Variants in ADAM12 observed in about 807,000 individuals in gnomAD.
ADAM12 encodes the protein disintegrin and metalloproteinase domain-containing protein 12.
Under a neutral mutation model 106.4 loss-of-function variants are expected in ADAM12, and 70 were observed. That is an observed-to-expected ratio of 0.66 (90% confidence interval 0.54 to 0.80). ADAM12 has a LOEUF of 0.80. ADAM12 is among the 30% of genes least tolerant of loss of function. ADAM12 has a pLI of 0.00. For missense variants in ADAM12, 1,010 were observed against 1,171.9 expected (o/e 0.86, Z 2.02); for synonymous variants, 420 against 433.5 (o/e 0.97, Z 0.39).
intron 2 of ADAM12, among the ~76,000 whole-genome samples, chr10:126,308,745 G>A (rs1010560778): frequency 6.6e-6 from 1 of 152,186 alleles, no homozygotes; most frequent in African/African-American, 2.4e-5. Context: ...CTTTGTGGTA[G>A]AAGAAAACTG....
rs975042732 is a variant in ADAM12, at chr10:126,220,979, C to T, written c.260+57936G>A. ...ATTCTGATCCCACCCCGTTAGGGGACGAAACAAAGCCTCTCCACATCATTG... is the reference window on the plus strand; with the variant it reads ...ATTCTGATCCCACCCCGTTAGGGGATGAAACAAAGCCTCTCCACATCATTG... On this transcript the variant is annotated intron_variant, in intron 3 of 22. Coordinates refer to ENST00000448723, the MANE Select transcript of ADAM12 (RefSeq NM_001288973.2). Among the ~76,000 whole-genome samples, 14 of 152,220 alleles carry T rather than the reference C, an allele frequency of 9.2e-5. 1 individual carries two copies. The highest frequency in any genetic ancestry group is 2.6e-4 in the Admixed American group (4 of 15,284).
intron 3 of ADAM12, among the ~76,000 whole-genome samples, chr10:126,218,899 C>T (rs562197588): frequency 6.6e-6 from 1 of 152,314 alleles, no homozygotes; most frequent in East Asian, 1.9e-4. Flanking sequence ...AATATTGATG[C>T]CAATGCCTCC....
At chr10:126,286,628 T>A (rs1565191644) in intron 2 of ADAM12, among the ~76,000 whole-genome samples, 3 of 152,218 alleles carry the variant, frequency 2.0e-5, no homozygotes, top group Admixed American at 6.5e-5. Context: ...ATCAGTGTGC[T>A]ACTTCCACAG....
chr10:126,318,312 ACACT>A (rs1328103220), intron 2 of ADAM12, among the ~76,000 whole-genome samples: 2 of 152,016 alleles, frequency 1.3e-5, no homozygotes, highest in African/African-American at 4.8e-5. Context: ...GTACACCCAC[ACACT>A]CACATATACT....
At chr10:126,108,298 G>T (rs1955811528) in intron 8 of ADAM12, among the ~76,000 whole-genome samples, 2 of 152,168 alleles carry the variant, frequency 1.3e-5, no homozygotes, top group Middle Eastern at 3.2e-3. Flanking sequence ...CTCTGTAGGG[G>T]TTCTGGAGCT....
intron 3 of ADAM12, among the ~76,000 whole-genome samples, chr10:126,267,537 C>T (rs1428499818): frequency 1.3e-5 from 2 of 152,160 alleles, no homozygotes; most frequent in Non-Finnish European, 2.9e-5. Flanking sequence ...AGCAGGCAGC[C>T]TAGATCCCTC....
At chr10:126,337,170 G>A (rs1854731624) in intron 1 of ADAM12, among the ~76,000 whole-genome samples, 1 of 152,220 alleles carries the variant, frequency 6.6e-6, no homozygotes, top group Non-Finnish European at 1.5e-5. Flanking sequence ...GGCTGGTAGT[G>A]GCTCTGTCAA....
chr10:126,381,664 T>G (rs1856497285), intron 1 of ADAM12, among the ~76,000 whole-genome samples: 1 of 151,830 alleles, frequency 6.6e-6, no homozygotes, highest in Admixed American at 6.6e-5. Context: ...CCTGGCTAAT[T>G]TTTGTATCTT....
chr10:126,202,928 T>C (rs1421249056), intron 3 of ADAM12, among the ~76,000 whole-genome samples: 1 of 152,204 alleles, frequency 6.6e-6, no homozygotes, highest in Non-Finnish European at 1.5e-5. Flanking sequence ...ACTTTTTATT[T>C]CACATTGAAA....
At chr10:126,298,713 C>T (rs1228281994) in intron 2 of ADAM12, among the ~76,000 whole-genome samples, 1 of 151,732 alleles carries the variant, frequency 6.6e-6, no homozygotes, top group Non-Finnish European at 1.5e-5. Context: ...AAAAGAAAAG[C>T]CACACCTAGA....
At chr10:126,113,878 G>A (rs1366005471) in intron 6 of ADAM12, among the ~76,000 whole-genome samples, 1 of 151,062 alleles carries the variant, frequency 6.6e-6, no homozygotes, top group Non-Finnish European at 1.5e-5. Flanking sequence ...CCACATGCAA[G>A]CCAGCTGTGC....
chr10:126,157,100 T>C (rs558399761), intron 3 of ADAM12, among the ~76,000 whole-genome samples: 1 of 152,332 alleles, frequency 6.6e-6, no homozygotes, highest in Non-Finnish European at 1.5e-5. Flanking sequence ...ATCACAAATC[T>C]TCCCTACAGC....
chr10:126,097,106 T>C (rs1307908101), intron 10 of ADAM12, among the ~76,000 whole-genome samples: 1 of 151,916 alleles, frequency 6.6e-6, no homozygotes, highest in Non-Finnish European at 1.5e-5. Flanking sequence ...GTTCCAGCTC[T>C]AAAAAAAATA....
At chr10:126,202,654 C>T (rs1367485683) in intron 3 of ADAM12, among the ~76,000 whole-genome samples, 1 of 152,072 alleles carries the variant, frequency 6.6e-6, no homozygotes, top group Non-Finnish European at 1.5e-5. Context: ...AGTTGAACTC[C>T]AAAGCAAAAC....
In ADAM12 at chr10:126,254,992, G is replaced by A. The variant is rs541005719; in HGVS notation, c.260+23923C>T. ...TCATGTTCTGGCCATAGTTCGCCCC[G>A]GTCACCAGCCCCCGGTGGCATTTGG... On this transcript the variant is annotated intron_variant, in intron 3 of 22. Transcript: ENST00000448723. Among the ~76,000 whole-genome samples, 17 of 152,246 alleles carry A rather than the reference G, an allele frequency of 1.1e-4. 1 individual carries two copies. In the East Asian group the frequency reaches 3.1e-3, roughly 28 times the overall value.
At chr10:126,108,781 A>T (rs890174669) in intron 7 of ADAM12, 117 bp from the exon 8 acceptor site, 1 of 865,612 alleles carries the variant, frequency 1.2e-6, no homozygotes, top group Non-Finnish European at 1.8e-6. Flanking sequence ...GACCCTCCAC[A>T]GTTCACGGTA....
chr10:126,231,873 G>A (rs546734078), intron 3 of ADAM12, among the ~76,000 whole-genome samples: 1 of 152,164 alleles, frequency 6.6e-6, no homozygotes, highest in Non-Finnish European at 1.5e-5. Flanking sequence ...CTCTCTTTAG[G>A]TGACTCGGTC....
At chr10:126,309,325 T>C (rs368774777) in intron 2 of ADAM12, among the ~76,000 whole-genome samples, 3 of 152,210 alleles carry the variant, frequency 2.0e-5, no homozygotes, top group East Asian at 3.9e-4. Context: ...CGGCTCTCTC[T>C]GAGGGCAGAG....
intron 11 of ADAM12, among the ~76,000 whole-genome samples, chr10:126,089,096 A>G (rs1955414419): frequency 6.6e-6 from 1 of 152,124 alleles, no homozygotes; most frequent in Non-Finnish European, 1.5e-5. Flanking sequence ...TCGTCAGTTG[A>G]AGCCATTTGC....
Sources: allele counts gnomAD v4.1 joint callset (sites outside exome capture counted in the v4.1 genomes callset), GRCh38; gene constraint gnomAD v4.1.1; transcripts MANE v1.5; gene names NCBI Gene and HGNC (gene_info 2026-07-23, HGNC 2026-07-21).